CDH18: variants seen among roughly 807,000 people sequenced by gnomAD.
CDH18 encodes the protein cadherin 18, also known as cadherin-18.
Under a neutral mutation model 67.9 loss-of-function variants are expected in CDH18, and 31 were observed. The observed-to-expected ratio is 0.46, with a 90% confidence interval of 0.34 to 0.62. The LOEUF (loss-of-function observed/expected upper bound fraction) is 0.62, where lower values mean the gene tolerates loss of function less well. Ranked by LOEUF, CDH18 falls within the 20% of genes least tolerant of loss-of-function variation. The pLI, the probability that CDH18 is intolerant of heterozygous loss-of-function variation, is 0.01. For missense variants in CDH18, 890 were observed against 975.5 expected (o/e 0.91, Z 1.17); for synonymous variants, 362 against 347.2 (o/e 1.04, Z -0.48).
chr5:20,351,750 T>G (rs113309623), intron 1 of CDH18, among the ~76,000 whole-genome samples: 1 of 152,108 alleles, frequency 6.6e-6, no homozygotes. Context: ...CTGCCACCGG[T>G]TGGCTATTGG....
At chr5:20,153,152 C>T (rs1342206568) in intron 2 of CDH18, among the ~76,000 whole-genome samples, 1 of 151,868 alleles carries the variant, frequency 6.6e-6, no homozygotes. Flanking sequence ...CTGCGTTAGC[C>T]AGGATTGTCT....
intron 1 of CDH18, among the ~76,000 whole-genome samples, chr5:20,344,055 G>C (rs2150047467): frequency 6.6e-6 from 1 of 152,282 alleles, no homozygotes; most frequent in Middle Eastern, 3.4e-3. Context: ...TGCAGAAATA[G>C]AATGAGCCAT....
chr5:20,442,128 C>T lies in CDH18; in HGVS notation c.-580+133334G>A, dbSNP rs139059839. ...AAACAGTGGCTGCATTACAAGAGTC[C>T]GTGGTATTTGTTGAGTAAAAGAATG... On this transcript the variant is annotated intron_variant, in intron 1 of 14. Coordinates refer to the CDH18 transcript ENST00000507958. Among the ~76,000 whole-genome samples the T allele has an allele frequency of 7.9e-5, 12 of 151,790 alleles. No individual in the cohort carries two copies. The South Asian group carries it at 1.0e-3, about 13-fold the overall frequency.
intron 2 of CDH18, among the ~76,000 whole-genome samples, chr5:20,153,343 A>G (rs564814392): frequency 1.2e-3 from 177 of 152,250 alleles, no homozygotes; most frequent in Middle Eastern, 3.4e-3. Flanking sequence ...GAGTATCCAT[A>G]TAATCAAGCC....
At chr5:19,816,980 C>T (rs1464412304) in intron 3 of CDH18, among the ~76,000 whole-genome samples, 1 of 151,292 alleles carries the variant, frequency 6.6e-6, no homozygotes, top group Non-Finnish European at 1.5e-5. Context: ...TTATCACTGA[C>T]AAAGAACTAC....
At chr5:20,369,242 C>G (rs1393559779) in intron 1 of CDH18, among the ~76,000 whole-genome samples, 3 of 151,700 alleles carry the variant, frequency 2.0e-5, no homozygotes, top group Admixed American at 2.0e-4. Flanking sequence ...TGAATTGAAT[C>G]CAAATTGTTT....
At chr5:20,168,489 A>G (rs1183822903) in intron 2 of CDH18, among the ~76,000 whole-genome samples, 1 of 152,148 alleles carries the variant, frequency 6.6e-6, no homozygotes, top group African/African-American at 2.4e-5. Context: ...GTGCTTTCAG[A>G]TAAATAATAA....
chr5:20,467,725 T>C (rs1291867181), intron 1 of CDH18, among the ~76,000 whole-genome samples: 1 of 152,144 alleles, frequency 6.6e-6, no homozygotes, highest in Non-Finnish European at 1.5e-5. Context: ...GGATGTGGTA[T>C]GACAAGGGAA....
intron 1 of CDH18, among the ~76,000 whole-genome samples, chr5:20,323,045 A>G (rs556528139): frequency 6.6e-6 from 1 of 152,242 alleles, no homozygotes; most frequent in East Asian, 1.9e-4. Context: ...TATGACCTGG[A>G]TATGGTCTGT....
intron 1 of CDH18, among the ~76,000 whole-genome samples, chr5:20,553,488 AAT>A (rs1484125363): frequency 6.6e-6 from 1 of 152,172 alleles, no homozygotes; most frequent in Non-Finnish European, 1.5e-5. Flanking sequence ...CTAATTATAG[AAT>A]ATATAATTTA....
chr5:20,541,000 G>A, intron 1 of CDH18, among the ~76,000 whole-genome samples: 1 of 152,278 alleles, frequency 6.6e-6, no homozygotes, highest in East Asian at 1.9e-4. Flanking sequence ...TCACACTCTT[G>A]ATTTCACATT....
At chr5:20,362,998 T>C (rs1257735514) in intron 1 of CDH18, among the ~76,000 whole-genome samples, 1 of 152,184 alleles carries the variant, frequency 6.6e-6, no homozygotes, top group Non-Finnish European at 1.5e-5. Context: ...GCTTTGCTTT[T>C]TATTCTATGT....
At chr5:20,497,277 T>G (rs1290141330) in intron 1 of CDH18, among the ~76,000 whole-genome samples, 4 of 152,134 alleles carry the variant, frequency 2.6e-5, no homozygotes, top group Non-Finnish European at 5.9e-5. Flanking sequence ...AAGAATTAAC[T>G]AATACAGAAC....
intron 2 of CDH18, among the ~76,000 whole-genome samples, chr5:19,956,885 CTG>C (rs1185212708): frequency 6.6e-6 from 1 of 151,790 alleles, no homozygotes; most frequent in East Asian, 1.9e-4. Flanking sequence ...GAGCAGAAAA[CTG>C]TGAACTAAGA....
At chr5:20,268,168 G>A (rs549543524) in intron 1 of CDH18, among the ~76,000 whole-genome samples, 3 of 152,138 alleles carry the variant, frequency 2.0e-5, no homozygotes, top group East Asian at 1.9e-4. Context: ...TTGTGTATAC[G>A]TACCATATTT....
intron 2 of CDH18, among the ~76,000 whole-genome samples, chr5:19,980,348 A>G (rs763341097): frequency 4.0e-4 from 61 of 152,198 alleles, no homozygotes; most frequent in Non-Finnish European, 2.9e-4. Context: ...AATGATTTAC[A>G]TAAATACATA....
chr5:19,755,333 A>T (rs1238643274), intron 3 of CDH18, among the ~76,000 whole-genome samples: 2 of 148,290 alleles, frequency 1.3e-5, no homozygotes, highest in Non-Finnish European at 3.0e-5. Context: ...AAGAAATGAA[A>T]TGGGAGATAT....
At chr5:20,352,409 G>C (rs930154875) in intron 1 of CDH18, among the ~76,000 whole-genome samples, 1 of 151,606 alleles carries the variant, frequency 6.6e-6, no homozygotes, top group Non-Finnish European at 1.5e-5. Context: ...CTGTGTGGGG[G>C]GCCAGCACCC....
At position 19,502,983 on chromosome 5, in the gene CDH18, T is replaced by C; in HGVS notation, c.1630+9A>G. The C allele has an allele frequency of 1.4e-6, 2 of 1,457,122 alleles. No individual in the cohort carries two copies. The highest frequency in any genetic ancestry group is 2.3e-5 in the East Asian group (1 of 44,120). The allele number at this position is 1,457,122 out of a possible 1,614,324, so 90.3% of individuals were successfully genotyped here. ...ACATAGATAAACAAATATGTGTATA[T>C]ATGTTCACCTTCATTGTCCTTCAGA... On this transcript the variant is annotated intron_variant, in intron 11 of 12. Transcript: ENST00000382275.
Sources: allele counts gnomAD v4.1 joint callset (sites outside exome capture counted in the v4.1 genomes callset), GRCh38; gene constraint gnomAD v4.1.1; transcripts MANE v1.5; gene names NCBI Gene and HGNC (gene_info 2026-07-23, HGNC 2026-07-21).